Variants in JAK1 observed in about 807,000 individuals in gnomAD.
JAK1 encodes tyrosine-protein kinase JAK1.
In JAK1, 16 loss-of-function variants were observed where a neutral mutation model predicts 136.6. The ratio of observed to expected loss-of-function variants is 0.12; its 90% CI spans 0.08 to 0.18. The LOEUF is 0.18. Ranked by LOEUF, JAK1 falls within the 10% of genes least tolerant of loss-of-function variation. The pLI is 1.00. For missense variants in JAK1, 859 were observed against 1,450.1 expected (o/e 0.59, Z 6.62); for synonymous variants, 492 against 519.5 (o/e 0.95, Z 0.72).
chr1:64,911,085 GA>G (rs11406658), intron 1 of JAK1, among the ~76,000 whole-genome samples: 11 of 147,748 alleles, frequency 7.4e-5, no homozygotes, highest in African/African-American at 2.2e-4. Context: ...ATTCAGGAGT[GA>G]AAAAAAAAAA....
At chr1:64,906,764 T>C (rs948187115) in intron 1 of JAK1, among the ~76,000 whole-genome samples, 1 of 152,204 alleles carries the variant, frequency 6.6e-6, no homozygotes, top group African/African-American at 2.4e-5. Context: ...ATATGACTCA[T>C]AGAGCAAGTA....
chr1:64,886,040 G>A (rs572346195), intron 2 of JAK1, among the ~76,000 whole-genome samples: 1 of 152,146 alleles, frequency 6.6e-6, no homozygotes, highest in Non-Finnish European at 1.5e-5. Flanking sequence ...ATCTAGGAGA[G>A]ATTACAAGGG....
rs550709701 is a variant in JAK1 at position 64,953,562 on chromosome 1, C to A, written c.-78+12771G>T. Among the ~76,000 whole-genome samples the A allele has an allele frequency of 2.0e-5, 3 of 152,296 alleles. No homozygotes were observed. In the South Asian group the frequency reaches 6.2e-4, roughly 32 times the overall value. On this transcript the variant is annotated intron_variant, in intron 1 of 24. Coordinates refer to ENST00000342505, the MANE Select transcript of JAK1 (RefSeq NM_002227.4). ...ACTTAAAATGTCAAAAACAGCAATA[C>A]AACTTTTAAACTAAATATTTCACAA...
chr1:64,949,016 G>C (rs1388946099), intron 1 of JAK1, among the ~76,000 whole-genome samples: 3 of 152,292 alleles, frequency 2.0e-5, no homozygotes, highest in Admixed American at 6.5e-5. Flanking sequence ...CAGAAGGGCT[G>C]GAGTGCTGAC....
intron 13 of JAK1, chr1:64,847,025 CCT>C: frequency 1.2e-5 from 6 of 503,874 alleles, no homozygotes; most frequent in Non-Finnish European, 1.8e-5. Context: ...CTCATGCCCA[CCT>C]CTCTCTCTTC....
chr1:64,932,342 G>C (rs1189488886), intron 1 of JAK1, among the ~76,000 whole-genome samples: 1 of 152,182 alleles, frequency 6.6e-6, no homozygotes, highest in African/African-American at 2.4e-5. Flanking sequence ...GAACCAGGGA[G>C]TCGGATGTTG....
chr1:64,914,487 G>C (rs1645357310), intron 1 of JAK1, among the ~76,000 whole-genome samples: 1 of 152,224 alleles, frequency 6.6e-6, no homozygotes, highest in South Asian at 2.1e-4. Context: ...GAACCTTTCT[G>C]AGACAGAACT....
intron 1 of JAK1, among the ~76,000 whole-genome samples, chr1:65,052,118 A>ATTTTTTTTTTTTT (rs71056073): frequency 2.1e-5 from 2 of 93,566 alleles, no homozygotes; most frequent in Non-Finnish European, 4.2e-5. Flanking sequence ...ACGCCTGGCT[A>ATTTTTTTTTTTTT]TTTTTTTTTT....
chr1:64,888,879 A>G (rs971279453), intron 1 of JAK1, among the ~76,000 whole-genome samples: 1 of 152,174 alleles, frequency 6.6e-6, no homozygotes, highest in South Asian at 2.1e-4. Flanking sequence ...CAAAATCTCT[A>G]CTCTCAGGGA....
intron 1 of JAK1, among the ~76,000 whole-genome samples, chr1:64,966,085 G>T (rs1189607490): frequency 1.3e-5 from 2 of 151,948 alleles, no homozygotes; most frequent in East Asian, 3.9e-4. Flanking sequence ...TGGCTTAACC[G>T]CTCTTCTCCC....
At chr1:64,925,423 T>C (rs1645567678) in intron 1 of JAK1, among the ~76,000 whole-genome samples, 1 of 151,824 alleles carries the variant, frequency 6.6e-6, no homozygotes, top group Non-Finnish European at 1.5e-5. Flanking sequence ...GCTCTAAACC[T>C]AAAACTGCTT....
chr1:64,949,863 T>C (rs1302376513), intron 1 of JAK1, among the ~76,000 whole-genome samples: 4 of 152,332 alleles, frequency 2.6e-5, no homozygotes, highest in East Asian at 1.9e-4. Context: ...TTCCCTACAA[T>C]ATTCTGTAAA....
At chr1:64,841,812 C>G (rs1327329894) in intron 17 of JAK1, among the ~76,000 whole-genome samples, 2 of 152,198 alleles carry the variant, frequency 1.3e-5, no homozygotes, top group Non-Finnish European at 2.9e-5. Flanking sequence ...AGACTGGGCA[C>G]TATAGCCCAG....
intron 2 of JAK1, among the ~76,000 whole-genome samples, chr1:65,024,986 A>G (rs1646966861): frequency 6.6e-6 from 1 of 152,168 alleles, no homozygotes; most frequent in African/African-American, 2.4e-5. Context: ...TCAAAAAAAA[A>G]AGTGACACCA....
In JAK1 at chr1:65,002,716, G is replaced by A. The variant is rs1641462519; in HGVS notation, c.-78+41764C>T. 3.9e-5 allele frequency among the ~76,000 whole-genome samples: 6 copies of A among 152,214 alleles called. No individual in the cohort carries two copies. In the South Asian group the frequency reaches 1.2e-3, roughly 32 times the overall value. The stretch of plus-strand genomic sequence containing the variant: ...CGGCGGCGGCGGAGGCGGGGGCACC[G>A]CGCAGTTGGAAGCCCGGGCGCTCTT... On this transcript the variant is annotated intron_variant, in intron 2 of 25. Coordinates refer to the JAK1 transcript ENST00000671954.
chr1:64,951,946 C>A (rs192623053), intron 1 of JAK1, among the ~76,000 whole-genome samples: 2 of 152,092 alleles, frequency 1.3e-5, no homozygotes, highest in African/African-American at 4.8e-5. Flanking sequence ...CGTGAGCCAC[C>A]GCGCCAGGCA....
chr1:65,022,936 G>A (rs1217696423), intron 2 of JAK1: 1 of 152,120 alleles, frequency 6.6e-6, no homozygotes, highest in East Asian at 1.9e-4. Context: ...TTCAGTGGAT[G>A]CTTTTTTTCT....
intron 2 of JAK1, among the ~76,000 whole-genome samples, chr1:64,999,079 T>C (rs1646729682): frequency 6.6e-6 from 1 of 152,218 alleles, no homozygotes; most frequent in Non-Finnish European, 1.5e-5. Context: ...TTTTGTTTTC[T>C]CTCCTCAGGA....
At chr1:64,847,700 G>T (rs1480856134) in intron 12 of JAK1, 25 bp from the exon 13 acceptor site, 1 of 1,611,542 alleles carries the variant, frequency 6.2e-7, no homozygotes, top group East Asian at 2.2e-5. Flanking sequence ...AGAAGGCTGG[G>T]TGACCTCTCT....
Sources: allele counts gnomAD v4.1 joint callset (sites outside exome capture counted in the v4.1 genomes callset), GRCh38; gene constraint gnomAD v4.1.1; transcripts MANE v1.5; gene names NCBI Gene and HGNC (gene_info 2026-07-23, HGNC 2026-07-21).